ADAM32: variants seen among roughly 807,000 people sequenced by gnomAD.
ADAM32 encodes ADAM metallopeptidase domain 32, also known as disintegrin and metalloproteinase domain-containing protein 32.
In ADAM32, 89 loss-of-function variants were observed where a neutral mutation model predicts 114.9. The ratio of observed to expected loss-of-function variants is 0.77; its 90% confidence interval spans 0.65 to 0.92. The LOEUF (loss-of-function observed/expected upper bound fraction) is 0.92. Ranked by LOEUF, ADAM32 falls within the 40% of genes least tolerant of loss-of-function variation. The pLI is 0.00. For missense variants in ADAM32, 870 were observed against 932.8 expected (o/e 0.93, Z 0.88); for synonymous variants, 285 against 307.5 (o/e 0.93, Z 0.77).
intron 24 of ADAM32, among the ~76,000 whole-genome samples, 151 bp downstream of exon 24, chr8:39,283,775 T>C (rs903026825): frequency 1.3e-5 from 2 of 148,646 alleles, no homozygotes; most frequent in Non-Finnish European, 3.0e-5. Flanking sequence ...TTTATTCTTT[T>C]TTTTTTTTTT....
chr8:39,225,020 A>T (rs1174284418), intron 14 of ADAM32, among the ~76,000 whole-genome samples: 1 of 152,170 alleles, frequency 6.6e-6, no homozygotes, highest in Non-Finnish European at 1.5e-5. Context: ...CAGAGGACAG[A>T]GGCGTCTTTT....
intron 4 of ADAM32, among the ~76,000 whole-genome samples, chr8:39,149,545 GACA>G (rs1803694775): frequency 6.6e-6 from 1 of 152,062 alleles, no homozygotes; most frequent in Admixed American, 6.6e-5. Flanking sequence ...TAAAACATGA[GACA>G]ACATTTTGGA....
Position 39,284,842 on chromosome 8 carries a change from A to G in ADAM32, c.*43A>G. The G allele has an allele frequency of 6.2e-7, 1 of 1,608,612 alleles. No homozygotes were observed. Among genetic ancestry groups the G allele is most frequent in the Non-Finnish European group, 8.5e-7 (1 of 1,175,370 alleles). On this transcript the variant is annotated 3_prime_UTR_variant, in exon 25 of 25. Coordinates refer to ENST00000379907, the MANE Select transcript of ADAM32 (RefSeq NM_145004.7). Reference sequence around the variant, plus strand: ...AACGGATAACATCGAGAGTCTCGCTAAGAAATGAAAATTCTGTCTTTCCTT... The same window carrying G: ...AACGGATAACATCGAGAGTCTCGCTGAGAAATGAAAATTCTGTCTTTCCTT...
chr8:39,221,794 A>G (rs986893670), intron 13 of ADAM32, 92 bp downstream of exon 13: 8 of 692,806 alleles, frequency 1.2e-5, no homozygotes, highest in South Asian at 3.2e-5. Flanking sequence ...AATTACATCA[A>G]TTAAATTACT....
chr8:39,212,385 T>C (rs755359808), intron 12 of ADAM32, among the ~76,000 whole-genome samples: 1 of 152,178 alleles, frequency 6.6e-6, no homozygotes, highest in Non-Finnish European at 1.5e-5. Context: ...CCATTTTAAG[T>C]GTACGGGTTG....
chr8:39,244,618 C>T (rs906074115), intron 16 of ADAM32, among the ~76,000 whole-genome samples: 1 of 152,176 alleles, frequency 6.6e-6, no homozygotes, highest in African/African-American at 2.4e-5. Context: ...GAAACTGGAT[C>T]CTCATCTCTC....
At chr8:39,270,260 GT>G (rs1324212429) in intron 19 of ADAM32, among the ~76,000 whole-genome samples, 4 of 152,134 alleles carry the variant, frequency 2.6e-5, no homozygotes, top group Non-Finnish European at 5.9e-5. Context: ...GTGAACTGGG[GT>G]CCTGAAACTG....
intron 12 of ADAM32, among the ~76,000 whole-genome samples, chr8:39,213,666 G>GT (rs2129448456): frequency 6.6e-6 from 1 of 152,044 alleles, no homozygotes; most frequent in South Asian, 2.1e-4. Flanking sequence ...ATTTTTTTGT[G>GT]TTACAAACAA....
chr8:39,197,818 T>G (rs1007989225), intron 11 of ADAM32, among the ~76,000 whole-genome samples: 1 of 152,182 alleles, frequency 6.6e-6, no homozygotes, highest in Non-Finnish European at 1.5e-5. Context: ...TCCATATATA[T>G]CTGTTAGGTT....
chr8:39,171,417 T>C (rs1468493012), intron 10 of ADAM32, among the ~76,000 whole-genome samples: 2 of 152,196 alleles, frequency 1.3e-5, no homozygotes, highest in African/African-American at 4.8e-5. Context: ...ATCACCTGCA[T>C]GTATATCTTC....
At chr8:39,156,403 C>A (rs764526533) in intron 6 of ADAM32, among the ~76,000 whole-genome samples, 2 of 152,194 alleles carry the variant, frequency 1.3e-5, no homozygotes, top group South Asian at 4.1e-4. Flanking sequence ...TTTTGGCCTT[C>A]CAGAGTGCCA....
chr8:39,187,713 CA>C (rs1425629966), intron 11 of ADAM32, among the ~76,000 whole-genome samples: 2 of 151,714 alleles, frequency 1.3e-5, no homozygotes, highest in East Asian at 3.9e-4. Flanking sequence ...AGTTGGAGAC[CA>C]AAATATATAT....
At chr8:39,257,000 A>G (rs1811685782) in intron 18 of ADAM32, among the ~76,000 whole-genome samples, 187 bp from the exon 19 acceptor site, 1 of 152,060 alleles carries the variant, frequency 6.6e-6, no homozygotes, top group Non-Finnish European at 1.5e-5. Flanking sequence ...CTTGGTTTCC[A>G]TGCTTTTAGA....
chr8:39,275,988 C>T, intron 22 of ADAM32, 122 bp downstream of exon 22: 2 of 891,992 alleles, frequency 2.2e-6, no homozygotes, highest in Non-Finnish European at 3.3e-6. Flanking sequence ...TAGTAAAGTA[C>T]TGTACCTTAA....
chr8:39,118,164 A>C lies in ADAM32; in HGVS notation c.137A>C (p.Tyr46Ser). 1.4e-6 allele frequency: 2 copies of C among 1,411,162 alleles called. No individual in the cohort carries two copies. Among genetic ancestry groups the C allele is most frequent in the Non-Finnish European group, 9.4e-7 (1 of 1,061,552 alleles). The allele number at this position is 1,411,162 out of a possible 1,614,324, so 87.4% of individuals were successfully genotyped here. ...TNTNDSSEIE[Y>S]EQISYIIPID... The stretch of plus-strand genomic sequence containing the variant: ...ACAAATGACAGTTCAGAAATAGAAT[A>C]TGTAAGAGATATTTTTTCACAATCT... Residue 46 changes from tyrosine (Y) to serine (S), a missense_variant and splice_region_variant, in exon 2 of 25, where the codon TAT becomes TCT. By Grantham distance (144) the Tyr-to-Ser change is moderately radical. Transcript: ENST00000379907.
intron 19 of ADAM32, among the ~76,000 whole-genome samples, chr8:39,263,944 T>C (rs899618341): frequency 6.6e-6 from 1 of 152,224 alleles, no homozygotes; most frequent in South Asian, 2.1e-4. Context: ...ATTTTCAGTG[T>C]ATAATTTGAT....
intron 3 of ADAM32, among the ~76,000 whole-genome samples, chr8:39,137,632 A>G (rs1004640918): frequency 2.0e-5 from 3 of 151,910 alleles, no homozygotes; most frequent in African/African-American, 7.3e-5. Context: ...TTAGCCAGGC[A>G]TGGTGGCGTG....
intron 10 of ADAM32, among the ~76,000 whole-genome samples, chr8:39,182,662 C>T (rs1805978956): frequency 6.6e-6 from 1 of 152,246 alleles, no homozygotes; most frequent in Non-Finnish European, 1.5e-5. Flanking sequence ...CTTTGACCAA[C>T]ATCTCCCAGA....
intron 7 of ADAM32, among the ~76,000 whole-genome samples, chr8:39,161,374 A>G (rs955545831): frequency 6.6e-6 from 1 of 152,208 alleles, no homozygotes; most frequent in Non-Finnish European, 1.5e-5. Flanking sequence ...ACTATCTACT[A>G]GAATGACTTT....
Sources: allele counts gnomAD v4.1 joint callset (sites outside exome capture counted in the v4.1 genomes callset), GRCh38; gene constraint gnomAD v4.1.1; transcripts MANE v1.5; gene names NCBI Gene and HGNC (gene_info 2026-07-23, HGNC 2026-07-21).